ENPP6: variants seen among roughly 807,000 people sequenced by gnomAD.
ENPP6 encodes the protein glycerophosphocholine cholinephosphodiesterase ENPP6.
A neutral mutation model predicts 42.0 loss-of-function variants in ENPP6; 32 were observed. The observed-to-expected ratio is 0.76, with a 90% CI of 0.58 to 1.02. The LOEUF (loss-of-function observed/expected upper bound fraction) is 1.02. ENPP6 is among the 50% of genes least tolerant of loss of function. ENPP6 has a pLI of 0.00. For missense variants in ENPP6, 552 were observed against 566.8 expected, an observed-to-expected ratio of 0.97 and a Z score of 0.27; for synonymous variants, 213 against 216.0, an observed-to-expected ratio of 0.99 and a Z score of 0.12.
rs577191293 is a variant in ENPP6, at chr4:184,153,743, T to C, written c.242-10A>G. ...ACTTCACAATGGCGGCCTATGTCAA[T>C]GAGAACACAGCTGTCAGTTTACGGT... On this transcript the variant is annotated splice_polypyrimidine_tract_variant and intron_variant, in intron 1 of 7. Transcript: ENST00000296741. 24 of 1,613,258 alleles carry C rather than the reference T, an allele frequency of 1.5e-5. 1 individual carries two copies. In the South Asian group the frequency reaches 2.4e-4, roughly 16 times the overall value.
intron 1 of ENPP6, among the ~76,000 whole-genome samples, chr4:184,180,633 TCAG>T (rs1561003270): frequency 6.6e-6 from 1 of 152,074 alleles, no homozygotes; most frequent in Admixed American, 6.6e-5. Flanking sequence ...CAAACTGAAC[TCAG>T]CAGCACATCA....
intron 6 of ENPP6, among the ~76,000 whole-genome samples, chr4:184,110,094 C>G (rs1407067639): frequency 6.6e-6 from 1 of 152,124 alleles, no homozygotes; most frequent in African/African-American, 2.4e-5. Context: ...TGTCCTCAGA[C>G]GTGTCACTGG....
At chr4:184,212,398 A>T (rs1458246884) in intron 1 of ENPP6, among the ~76,000 whole-genome samples, 1 of 149,530 alleles carries the variant, frequency 6.7e-6, no homozygotes, top group Admixed American at 6.6e-5. Context: ...AAGTCTCAGG[A>T]TACAAAATCA....
chr4:184,142,398 AG>A (rs1379275509), intron 2 of ENPP6, among the ~76,000 whole-genome samples: 1 of 152,232 alleles, frequency 6.6e-6, no homozygotes, highest in Admixed American at 6.5e-5. Flanking sequence ...AACCTTTTCC[AG>A]GAAAATACAT....
intron 1 of ENPP6, among the ~76,000 whole-genome samples, chr4:184,208,844 G>C (rs1345547265): frequency 7.0e-6 from 1 of 142,700 alleles, no homozygotes; most frequent in African/African-American, 2.5e-5. Flanking sequence ...GTCCCTGTCA[G>C]CTTTGAAGAG....
intron 1 of ENPP6, among the ~76,000 whole-genome samples, chr4:184,180,212 C>T (rs1732530566): frequency 6.6e-6 from 1 of 152,158 alleles, no homozygotes; most frequent in Non-Finnish European, 1.5e-5. Context: ...ATACAACCAT[C>T]AGAGAATACT....
intron 1 of ENPP6, among the ~76,000 whole-genome samples, chr4:184,169,660 T>A (rs537033673): frequency 6.6e-6 from 1 of 152,328 alleles, no homozygotes; most frequent in South Asian, 2.1e-4. Context: ...AGAGCCACTA[T>A]AGATGAAGGC....
chr4:184,097,998 C>A (rs920855768), intron 6 of ENPP6, among the ~76,000 whole-genome samples: 2 of 152,352 alleles, frequency 1.3e-5, no homozygotes, highest in South Asian at 4.1e-4. Context: ...ACGGGGCGTG[C>A]GGTTCCGGAG....
Position 184,090,930 on chromosome 4 carries a change from G to GAAA in ENPP6, c.*244_*246dup. ...TCCTGAGTAACGTGAAAAGAAAGGA[G>GAAA]AAAATGACATATAACTGCACAAATG... On this transcript the variant is annotated 3_prime_UTR_variant, in exon 8 of 8. Transcript: ENST00000296741. 2.2e-6 allele frequency: 1 copy of GAAA among 455,098 alleles called. No individual in the cohort carries two copies. The highest frequency in any genetic ancestry group is 3.8e-6 in the Non-Finnish European group (1 of 262,338). 28.2% of individuals were successfully genotyped at this position (455,098 alleles called of 1,614,324 possible). A position where few individuals can be genotyped will look rare whatever the true frequency, so the allele number is the denominator to read the frequency against.
At chr4:184,145,850 T>C (rs549052230) in intron 2 of ENPP6, among the ~76,000 whole-genome samples, 39 of 152,282 alleles carry the variant, frequency 2.6e-4, no homozygotes, top group African/African-American at 8.4e-4. Flanking sequence ...TGTAAACCCA[T>C]AGGGGCCAGT....
In ENPP6 at chr4:184,132,357, A is replaced by G. The variant is rs140653631; in HGVS notation, c.422-8085T>C. On this transcript the variant is annotated intron_variant, in intron 2 of 7. Transcript: ENST00000296741. ...TGTTTATTGACCATTGGGATACCCA[A>G]TTATGTAAAGTGTTAGCTCATATTT... 3.3e-5 allele frequency among the ~76,000 whole-genome samples: 5 copies of G among 151,934 alleles called. No homozygotes were observed. In the East Asian group the frequency reaches 5.8e-4, roughly 18 times the overall value.
chr4:184,190,222 ACTGGATTACTCACCGAT>A (rs1579657137), intron 1 of ENPP6, among the ~76,000 whole-genome samples: 2 of 152,256 alleles, frequency 1.3e-5, no homozygotes, highest in Non-Finnish European at 2.9e-5. Flanking sequence ...CCACCAGAGT[ACTGGATTACTCACCGAT>A]CTGGAATTTA....
chr4:184,097,723 C>G lies in ENPP6; in HGVS notation c.994-355G>C, dbSNP rs546873626. On this transcript the variant is annotated intron_variant, in intron 6 of 7. Transcript: ENST00000296741. ...TTTGGTCTTTGTCCCAGGTTTCTAA[C>G]CTAGAGCTCCTAAAACCAGGGGTAC... 5.3e-5 allele frequency among the ~76,000 whole-genome samples: 8 copies of G among 152,302 alleles called. No individual in the cohort carries two copies. The South Asian group carries it at 1.7e-3, about 32-fold the overall frequency.
At chr4:184,148,300 T>C (rs555031508) in intron 2 of ENPP6, among the ~76,000 whole-genome samples, 4 of 152,168 alleles carry the variant, frequency 2.6e-5, no homozygotes, top group Admixed American at 6.5e-5. Flanking sequence ...TTTGTGAAGG[T>C]TGGAAGTTCG....
At chr4:184,151,489 T>C (rs1190023103) in intron 2 of ENPP6, among the ~76,000 whole-genome samples, 1 of 152,174 alleles carries the variant, frequency 6.6e-6, no homozygotes, top group Non-Finnish European at 1.5e-5. Flanking sequence ...CAGGAGATCT[T>C]ATGTGGAGGG....
At chr4:184,116,316 T>A (rs1736313396) in intron 5 of ENPP6, among the ~76,000 whole-genome samples, 2 of 152,214 alleles carry the variant, frequency 1.3e-5, no homozygotes, top group Admixed American at 6.5e-5. Flanking sequence ...GTAGGTATCA[T>A]CATGCCCATT....
intron 1 of ENPP6, among the ~76,000 whole-genome samples, chr4:184,195,318 T>A (rs1433627733): frequency 6.6e-6 from 1 of 152,132 alleles, no homozygotes; most frequent in Non-Finnish European, 1.5e-5. Flanking sequence ...GTGTGTTGTT[T>A]CCCTCTATGT....
chr4:184,128,595 C>CA (rs35054008), intron 2 of ENPP6, among the ~76,000 whole-genome samples: 91,869 of 146,124 alleles, frequency 0.63, 28,866 homozygotes, highest in Non-Finnish European at 0.68. Context: ...AAAGAATGGG[C>CA]AAAAAAAAAA....
At position 184,090,002 on chromosome 4, in the gene ENPP6, C is replaced by T. The variant is rs1211158713; in HGVS notation, c.*1175G>A. Reference sequence around the variant, plus strand: ...TCTCAAAGGTGGTACTTTGGCCAAACTGTTTCCTAATCAAACGACCAGTTA... The same window carrying T: ...TCTCAAAGGTGGTACTTTGGCCAAATTGTTTCCTAATCAAACGACCAGTTA... On this transcript the variant is annotated 3_prime_UTR_variant, in exon 8 of 8. Coordinates refer to ENST00000296741, the MANE Select transcript of ENPP6 (RefSeq NM_153343.4). 6.6e-6 allele frequency: 1 copy of T among 152,166 alleles called. No individual in the cohort carries two copies. Among genetic ancestry groups the T allele is most frequent in the Admixed American group, 6.5e-5 (1 of 15,278 alleles). 9.4% of individuals were successfully genotyped at this position (152,166 alleles called of 1,614,324 possible). A position where few individuals can be genotyped will look rare whatever the true frequency, so the allele number is the denominator to read the frequency against.
Sources: allele counts gnomAD v4.1 joint callset (sites outside exome capture counted in the v4.1 genomes callset), GRCh38; gene constraint gnomAD v4.1.1; transcripts MANE v1.5; gene names NCBI Gene and HGNC (gene_info 2026-07-23, HGNC 2026-07-21).